NELL1: variants seen among roughly 807,000 people sequenced by gnomAD.
The protein encoded by NELL1 is neural EGFL like 1, also known as protein kinase C-binding protein NELL1.
In NELL1, 76 loss-of-function variants were observed where a neutral mutation model predicts 107.4. The observed-to-expected ratio is 0.71, with a 90% CI of 0.59 to 0.86. The LOEUF is 0.86. NELL1 is among the 40% of genes least tolerant of loss of function. NELL1 has a pLI of 0.00. For synonymous variants in NELL1, 353 were observed against 341.2 expected (o/e 1.03, Z -0.38); for missense variants, 1,024 against 1,005.5 (o/e 1.02, Z -0.25).
At chr11:21,460,030 A>G (rs890571668) in intron 15 of NELL1, among the ~76,000 whole-genome samples, 3 of 152,064 alleles carry the variant, frequency 2.0e-5, no homozygotes, top group African/African-American at 7.2e-5. Context: ...AGACAAATAA[A>G]AGGCTTTATT....
chr11:20,974,377 C>T (rs961439483), intron 12 of NELL1, among the ~76,000 whole-genome samples: 1 of 152,126 alleles, frequency 6.6e-6, no homozygotes, highest in African/African-American at 2.4e-5. Flanking sequence ...CACTATATGA[C>T]AGAGTCAGGA....
chr11:21,373,882 A>T (rs1451501695), intron 15 of NELL1, among the ~76,000 whole-genome samples: 1 of 152,120 alleles, frequency 6.6e-6, no homozygotes, highest in Non-Finnish European at 1.5e-5. Context: ...AAAGAGAAAG[A>T]TGAGTGAAGA....
chr11:21,017,618 T>C (rs1394073873), intron 12 of NELL1, among the ~76,000 whole-genome samples: 3 of 152,060 alleles, frequency 2.0e-5, no homozygotes, highest in Non-Finnish European at 4.4e-5. Flanking sequence ...TACCTGAAGC[T>C]CTTTGAACAT....
At chr11:20,854,291 TA>T (rs1178875021) in intron 4 of NELL1, among the ~76,000 whole-genome samples, 1 of 152,184 alleles carries the variant, frequency 6.6e-6, no homozygotes, top group Non-Finnish European at 1.5e-5. Context: ...TTCCTAAGTA[TA>T]AAATGTGGGG....
intron 12 of NELL1, among the ~76,000 whole-genome samples, chr11:21,041,421 A>G (rs1412880725): frequency 6.6e-6 from 1 of 152,200 alleles, no homozygotes; most frequent in Non-Finnish European, 1.5e-5. Flanking sequence ...GCAAAAAGTC[A>G]GAGAGTCACG....
chr11:20,761,621 A>T (rs756983023), intron 2 of NELL1, among the ~76,000 whole-genome samples: 28 of 152,344 alleles, frequency 1.8e-4, no homozygotes, highest in Non-Finnish European at 3.5e-4. Flanking sequence ...AGTCCAGGAG[A>T]TCTAAATCTT....
intron 2 of NELL1, among the ~76,000 whole-genome samples, chr11:20,734,459 A>G (rs1855716137): frequency 6.6e-6 from 1 of 152,232 alleles, no homozygotes; most frequent in Non-Finnish European, 1.5e-5. Flanking sequence ...GGCTCCGATG[A>G]GGATCATCAT....
chr11:21,252,456 T>C (rs1049596871), intron 14 of NELL1, among the ~76,000 whole-genome samples: 17 of 152,264 alleles, frequency 1.1e-4, no homozygotes, highest in African/African-American at 4.1e-4. Flanking sequence ...ACACTCCCGT[T>C]TGACCATGCG....
chr11:20,915,414 GA>G (rs1318080374), intron 5 of NELL1, among the ~76,000 whole-genome samples: 17 of 151,640 alleles, frequency 1.1e-4, no homozygotes, highest in Admixed American at 1.1e-3. Context: ...GTTGACACAA[GA>G]ATCTGAATGT....
intron 14 of NELL1, among the ~76,000 whole-genome samples, chr11:21,272,895 C>G (rs1483032860): frequency 6.6e-6 from 1 of 152,168 alleles, no homozygotes; most frequent in Non-Finnish European, 1.5e-5. Context: ...CACCAAAAAC[C>G]CATCTGTACG....
chr11:20,726,145 A>T (rs1009731462), intron 2 of NELL1, among the ~76,000 whole-genome samples: 1 of 152,154 alleles, frequency 6.6e-6, no homozygotes. Context: ...CTAATTTACC[A>T]CTGATGGGCA....
chr11:21,095,421 G>A (rs774253799), intron 12 of NELL1, among the ~76,000 whole-genome samples: 125 of 151,936 alleles, frequency 8.2e-4, no homozygotes, highest in Non-Finnish European at 1.5e-3. Flanking sequence ...CACATTTTTG[G>A]GTATCTTTTC....
intron 14 of NELL1, among the ~76,000 whole-genome samples, chr11:21,251,983 G>A (rs1858650104): frequency 6.6e-6 from 1 of 152,146 alleles, no homozygotes; most frequent in African/African-American, 2.4e-5. Flanking sequence ...TTCATTGAAT[G>A]CACACAGGCA....
chr11:20,786,322 C>A (rs1317638047), intron 3 of NELL1, among the ~76,000 whole-genome samples: 5 of 146,312 alleles, frequency 3.4e-5, no homozygotes, highest in African/African-American at 1.3e-4. Context: ...CGCACACCAG[C>A]CTGGGCAACA....
At chr11:21,130,086 C>T (rs964519528) in intron 13 of NELL1, among the ~76,000 whole-genome samples, 3 of 152,154 alleles carry the variant, frequency 2.0e-5, no homozygotes, top group Non-Finnish European at 4.4e-5. Context: ...TAATGTCAGG[C>T]ATCCACCTTT....
chr11:21,145,327 C>T (rs559025362), intron 13 of NELL1, among the ~76,000 whole-genome samples: 4 of 152,260 alleles, frequency 2.6e-5, no homozygotes, highest in African/African-American at 9.6e-5. Context: ...AGACAGGCCA[C>T]ATCTAGAGCC....
chr11:20,670,360 T>A (rs1196642160), intron 1 of NELL1: 1 of 152,596 alleles, frequency 6.6e-6, no homozygotes, highest in Non-Finnish European at 1.5e-5. Flanking sequence ...CCTCCGCCTG[T>A]CTTTGCTCCC....
intron 15 of NELL1, among the ~76,000 whole-genome samples, chr11:21,424,552 CAG>C (rs1564887385): frequency 6.6e-6 from 1 of 152,032 alleles, no homozygotes; most frequent in Non-Finnish European, 1.5e-5. Context: ...ACCTGGGAGA[CAG>C]AGGTTGCAGT....
chr11:21,536,949 A>G (rs186665679), intron 16 of NELL1, among the ~76,000 whole-genome samples: 1 of 152,226 alleles, frequency 6.6e-6, no homozygotes, highest in Admixed American at 6.5e-5. Flanking sequence ...AAATTCCTGC[A>G]CTCTCAAGGA....
Sources: allele counts gnomAD v4.1 joint callset (sites outside exome capture counted in the v4.1 genomes callset), GRCh38; gene constraint gnomAD v4.1.1; transcripts MANE v1.5; gene names NCBI Gene and HGNC (gene_info 2026-07-23, HGNC 2026-07-21).